Variants in LMBR1 observed in about 807,000 individuals in gnomAD.
LMBR1 encodes the protein limb region 1 protein homolog.
In LMBR1, 52 loss-of-function variants were observed where a neutral mutation model predicts 73.9. That is an observed-to-expected ratio of 0.70 (90% CI 0.56 to 0.89). The LOEUF (loss-of-function observed/expected upper bound fraction) is 0.89. LMBR1 is among the 40% of genes least tolerant of loss of function. The probability of loss-of-function intolerance (pLI) is 0.00; values close to 1 mark genes in which losing one functional copy is unlikely to be tolerated. For synonymous variants in LMBR1, 215 were observed against 209.4 expected (o/e 1.03, Z -0.23); for missense variants, 539 against 579.8 (o/e 0.93, Z 0.72).
chr7:156,785,652 A>G (rs1296688853), intron 5 of LMBR1, among the ~76,000 whole-genome samples: 1 of 152,200 alleles, frequency 6.6e-6, no homozygotes, highest in Non-Finnish European at 1.5e-5. Context: ...CAAAGGACAG[A>G]AGAAAAGACT....
intron 5 of LMBR1, chr7:156,779,661 T>C (rs1278688137): frequency 7.8e-7 from 1 of 1,277,554 alleles, no homozygotes; most frequent in Middle Eastern, 2.1e-4. Flanking sequence ...TTACAAAAGC[T>C]CTATGGAGAA....
At chr7:156,676,044 G>A (rs917718424), downstream of LMBR1, among the ~76,000 whole-genome samples, 1 of 151,836 alleles carries the variant, frequency 6.6e-6, no homozygotes, top group Non-Finnish European at 1.5e-5. Context: ...CTCACTTTGG[G>A]AAGCCTAGGA....
chr7:156,887,463 CAAAAAAAAAAA>C (rs60786872), intron 1 of LMBR1, among the ~76,000 whole-genome samples: 11 of 52,676 alleles, frequency 2.1e-4, no homozygotes, highest in Non-Finnish European at 3.9e-4. Context: ...GACTCCATCT[CAAAAAAAAAAA>C]AAAAAAAAAA....
At chr7:156,861,798 A>G (rs895034092) in intron 1 of LMBR1, among the ~76,000 whole-genome samples, 1 of 152,228 alleles carries the variant, frequency 6.6e-6, no homozygotes, top group African/African-American at 2.4e-5. Context: ...TTTCTAAAAC[A>G]TAACAAGAGT....
intron 9 of LMBR1, among the ~76,000 whole-genome samples, chr7:156,744,470 T>C (rs1456171345): frequency 6.6e-6 from 1 of 152,188 alleles, no homozygotes; most frequent in Non-Finnish European, 1.5e-5. Flanking sequence ...AAGTCTTTCT[T>C]AAGCTCATTG....
At chr7:156,889,781 G>C (rs1237628100) in intron 1 of LMBR1, among the ~76,000 whole-genome samples, 1 of 152,196 alleles carries the variant, frequency 6.6e-6, no homozygotes, top group African/African-American at 2.4e-5. Context: ...GATCACTTGA[G>C]CCCAGGAGAC....
chr7:156,793,242 G>C (rs910264118), intron 5 of LMBR1, among the ~76,000 whole-genome samples: 7 of 152,200 alleles, frequency 4.6e-5, no homozygotes, highest in Non-Finnish European at 7.3e-5. Context: ...TACACAGGTA[G>C]TTAACAAATG....
At chr7:156,705,749 A>G (rs1810789018) in intron 15 of LMBR1, among the ~76,000 whole-genome samples, 2 of 152,236 alleles carry the variant, frequency 1.3e-5, no homozygotes, top group Admixed American at 1.3e-4. Context: ...CCGTCATGAA[A>G]ACACATGAAA....
At chr7:156,755,463 A>G (rs1821688116) in intron 9 of LMBR1, among the ~76,000 whole-genome samples, 2 of 152,238 alleles carry the variant, frequency 1.3e-5, no homozygotes, top group African/African-American at 2.4e-5. Flanking sequence ...TGGCTACCTG[A>G]GGCTGAAACA....
intron 15 of LMBR1, among the ~76,000 whole-genome samples, chr7:156,707,448 A>C (rs1316716388): frequency 6.6e-6 from 1 of 152,204 alleles, no homozygotes; most frequent in African/African-American, 2.4e-5. Context: ...ATCCCTGATA[A>C]ACACAGATGC....
chr7:156,796,203 T>C (rs1464009002), intron 5 of LMBR1, among the ~76,000 whole-genome samples, 186 bp downstream of exon 5: 2 of 152,246 alleles, frequency 1.3e-5, no homozygotes, highest in African/African-American at 4.8e-5. Context: ...TGTCTCTCTC[T>C]CATGGACATG....
At chr7:156,811,856 G>A (rs1368725320) in intron 4 of LMBR1, among the ~76,000 whole-genome samples, 1 of 152,158 alleles carries the variant, frequency 6.6e-6, no homozygotes, top group East Asian at 1.9e-4. Context: ...GGTGTCAGCA[G>A]GACCACGCTC....
At chr7:156,842,242 G>A (rs1427375430) in intron 1 of LMBR1, among the ~76,000 whole-genome samples, 2 of 149,354 alleles carry the variant, frequency 1.3e-5, no homozygotes, top group African/African-American at 4.9e-5. Context: ...AATTATTTAG[G>A]TGCCCCAACC....
At chr7:156,847,708 G>A (rs1440021220) in intron 1 of LMBR1, among the ~76,000 whole-genome samples, 1 of 152,100 alleles carries the variant, frequency 6.6e-6, no homozygotes. Flanking sequence ...AAAACAACAA[G>A]ATACCTGTGA....
At chr7:156,881,808 TA>T (rs60282269) in intron 1 of LMBR1, among the ~76,000 whole-genome samples, 2,271 of 143,126 alleles carry the variant, frequency 0.016, 26 homozygotes, top group African/African-American at 0.046. Context: ...TGGCTATGAT[TA>T]AAAAAAAAAA....
At chr7:156,707,015 G>C (rs116109183) in intron 15 of LMBR1, among the ~76,000 whole-genome samples, 4 of 151,496 alleles carry the variant, frequency 2.6e-5, no homozygotes, top group African/African-American at 2.4e-5. Flanking sequence ...AAAAAAAAGA[G>C]ACAACACAAA....
At chr7:156,741,181 A>T (rs2132590796) in intron 9 of LMBR1, among the ~76,000 whole-genome samples, 1 of 152,258 alleles carries the variant, frequency 6.6e-6, no homozygotes, top group Admixed American at 6.5e-5. Flanking sequence ...AAAAGCAAGA[A>T]ATTAAATCCT....
In LMBR1 at chr7:156,844,844, T is replaced by C. The variant is rs188708527; in HGVS notation, c.67-7959A>G. ...TAGTCCTGATGCTGCTGATCAAGAA[T>C]GGCTAGGCACTTGAGAGGTGACACA... On this transcript the variant is annotated intron_variant, in intron 1 of 16. Transcript: ENST00000353442. Among the ~76,000 whole-genome samples the C allele has an allele frequency of 1.2e-4, 18 of 152,324 alleles. No homozygotes were observed. The East Asian group carries it at 3.3e-3, about 28-fold the overall frequency.
intron 3 of LMBR1, among the ~76,000 whole-genome samples, chr7:156,832,416 T>C (rs1473857874): frequency 1.3e-5 from 2 of 152,214 alleles, no homozygotes; most frequent in Admixed American, 1.3e-4. Flanking sequence ...TTCTTTCATG[T>C]TCATTGCCCC....
Sources: allele counts gnomAD v4.1 joint callset (sites outside exome capture counted in the v4.1 genomes callset), GRCh38; gene constraint gnomAD v4.1.1; transcripts MANE v1.5; gene names NCBI Gene and HGNC (gene_info 2026-07-23, HGNC 2026-07-21).